Variants in EPHA6 observed in about 807,000 individuals in gnomAD.
EPHA6 encodes the protein EPH receptor A6, also known as ephrin type-A receptor 6.
A neutral mutation model predicts 112.0 loss-of-function variants in EPHA6; 50 were observed. The ratio of observed to expected loss-of-function variants is 0.45; its 90% confidence interval spans 0.36 to 0.56. The LOEUF is 0.56. Among genes scored for constraint, EPHA6 ranks in the 20% least tolerant of loss-of-function variants. The pLI is 0.00. For synonymous variants in EPHA6, 529 were observed against 490.7 expected, an observed-to-expected ratio of 1.08 and a Z score of -1.03; for missense variants, 1,280 against 1,417.4, an observed-to-expected ratio of 0.90 and a Z score of 1.56.
At chr3:97,413,036 G>A (rs2087842982) in intron 6 of EPHA6, among the ~76,000 whole-genome samples, 1 of 151,134 alleles carries the variant, frequency 6.6e-6, no homozygotes, top group African/African-American at 2.4e-5. Context: ...TGCCTTCTGG[G>A]GAGTAACAAG....
At chr3:96,818,773 G>A (rs1386530489) in intron 1 of EPHA6, among the ~76,000 whole-genome samples, 1 of 151,748 alleles carries the variant, frequency 6.6e-6, no homozygotes. Flanking sequence ...GTTAAATTAG[G>A]AACACTGGAT....
chr3:96,830,640 G>A (rs887018883), intron 1 of EPHA6, among the ~76,000 whole-genome samples: 6 of 151,938 alleles, frequency 3.9e-5, no homozygotes, highest in African/African-American at 4.8e-5. Context: ...ATATTAAAAT[G>A]TAAATATATT....
At chr3:96,866,374 GT>G (rs1209833906) in intron 1 of EPHA6, among the ~76,000 whole-genome samples, 3 of 151,826 alleles carry the variant, frequency 2.0e-5, no homozygotes, top group African/African-American at 7.3e-5. Context: ...TTCAAAATGA[GT>G]TTTTTTAATA....
chr3:97,363,211 TATATATATATATATATATATATATATAA>T (rs1559922936), intron 5 of EPHA6, among the ~76,000 whole-genome samples: 8 of 76,730 alleles, frequency 1.0e-4, no homozygotes, highest in Non-Finnish European at 1.4e-4. Flanking sequence ...TATATATATA[TATATATATATATATATATATATATATAA>T]ATCTCAGATG....
rs1170419619 is a variant in EPHA6, at chr3:97,713,858, T to G, written c.2785-6403T>G. ...CTCAACCATAAATGATATTATATGATGACAGAATTCTACCTGTGAAATATT... is the reference window on the plus strand; with the variant it reads ...CTCAACCATAAATGATATTATATGAGGACAGAATTCTACCTGTGAAATATT... On this transcript the variant is annotated intron_variant, in intron 14 of 17. Coordinates refer to ENST00000389672, the MANE Select transcript of EPHA6 (RefSeq NM_001080448.3). 6.6e-5 allele frequency among the ~76,000 whole-genome samples: 10 copies of G among 152,358 alleles called. No individual in the cohort carries two copies. In the East Asian group the frequency reaches 1.9e-3, roughly 29 times the overall value.
At chr3:97,188,296 A>G (rs1447299081) in intron 3 of EPHA6, among the ~76,000 whole-genome samples, 2 of 152,166 alleles carry the variant, frequency 1.3e-5, no homozygotes, top group Non-Finnish European at 2.9e-5. Context: ...CTGCATCTAC[A>G]TGTATCAGCA....
intron 5 of EPHA6, among the ~76,000 whole-genome samples, chr3:97,360,192 C>T (rs2084302775): frequency 6.6e-6 from 1 of 152,136 alleles, no homozygotes; most frequent in Non-Finnish European, 1.5e-5. Flanking sequence ...TGCCACAGAG[C>T]TGAGAGTGAG....
intron 3 of EPHA6, among the ~76,000 whole-genome samples, chr3:97,025,651 C>G (rs181824929): frequency 1.3e-5 from 2 of 152,114 alleles, no homozygotes; most frequent in Non-Finnish European, 2.9e-5. Flanking sequence ...TGCAGTGGCG[C>G]GATCTCCGCT....
intron 14 of EPHA6, among the ~76,000 whole-genome samples, chr3:97,711,235 A>T (rs907154098): frequency 9.2e-5 from 14 of 152,080 alleles, no homozygotes; most frequent in African/African-American, 3.4e-4. Context: ...TGTAAGACGT[A>T]ACTTGCTCCT....
intron 5 of EPHA6, among the ~76,000 whole-genome samples, chr3:97,391,511 T>G (rs1207403660): frequency 6.6e-6 from 1 of 151,936 alleles, no homozygotes; most frequent in East Asian, 1.9e-4. Flanking sequence ...AAATGAGAAG[T>G]GCTGTACCTA....
chr3:97,661,324 A>T (rs911123363), intron 14 of EPHA6, among the ~76,000 whole-genome samples: 4 of 152,156 alleles, frequency 2.6e-5, no homozygotes, highest in African/African-American at 7.2e-5. Context: ...CCCTGTGTTT[A>T]TCTTAAGAAA....
intron 3 of EPHA6, among the ~76,000 whole-genome samples, chr3:97,123,582 A>C (rs922726403): frequency 6.6e-6 from 1 of 152,146 alleles, no homozygotes; most frequent in Non-Finnish European, 1.5e-5. Flanking sequence ...AGCCATTTTC[A>C]TGAAAGCATG....
At chr3:96,953,022 T>G (rs1182146864) in intron 2 of EPHA6, among the ~76,000 whole-genome samples, 2 of 152,136 alleles carry the variant, frequency 1.3e-5, no homozygotes, top group Non-Finnish European at 2.9e-5. Context: ...AGTAAAAGTT[T>G]TTAAAAAATT....
At position 97,254,350 on chromosome 3, in the gene EPHA6, G is replaced by C. The variant is rs150980441; in HGVS notation, c.1606+10063G>C. On this transcript the variant is annotated intron_variant, in intron 5 of 17. Coordinates refer to ENST00000389672, the MANE Select transcript of EPHA6 (RefSeq NM_001080448.3). ...ACTATAGGCGCATGCCACCACGCCA[G>C]GGTAATTTTTTGTATTTTTAATAGA... Among the ~76,000 whole-genome samples, 491 of 152,132 alleles carry C rather than the reference G, an allele frequency of 3.2e-3. 1 individual carries two copies. The highest frequency in any genetic ancestry group is 0.011 in the African/African-American group (454 of 41,512).
In EPHA6 at chr3:97,320,827, AAAAAT is replaced by A. The variant is rs2082082185; in HGVS notation, c.1606+76545_1606+76549del. Among the ~76,000 whole-genome samples, 10 of 141,302 alleles carry A rather than the reference AAAAAT, an allele frequency of 7.1e-5. 1 individual carries two copies. Among genetic ancestry groups the A allele is most frequent in the African/African-American group, 2.8e-4 (9 of 32,262 alleles). 92.7% of individuals were successfully genotyped at this position (141,302 alleles called of 152,430 possible). A position where few individuals can be genotyped will look rare whatever the true frequency, so the allele number is the denominator to read the frequency against. On this transcript the variant is annotated intron_variant, in intron 5 of 17. Transcript: ENST00000389672. The stretch of plus-strand genomic sequence containing the variant: ...GTGTTCTCTGGGGGCAAAAAATAAA[AAAAAT>A]AAAAAAAAAGGGATGAATTTAATTA...
At chr3:97,647,756 A>T (rs192942594) in intron 14 of EPHA6, among the ~76,000 whole-genome samples, 7 of 152,272 alleles carry the variant, frequency 4.6e-5, no homozygotes, top group Admixed American at 2.6e-4. Context: ...TCTGAGTTTG[A>T]CACACATTCA....
chr3:97,719,113 C>T (rs1576347563), intron 14 of EPHA6, among the ~76,000 whole-genome samples: 1 of 132,754 alleles, frequency 7.5e-6, no homozygotes, highest in Non-Finnish European at 1.6e-5. Context: ...CCCCCCGCCG[C>T]GGTAAGTAGT....
intron 3 of EPHA6, among the ~76,000 whole-genome samples, chr3:97,140,049 A>T (rs1310519069): frequency 6.6e-6 from 1 of 152,160 alleles, no homozygotes; most frequent in Non-Finnish European, 1.5e-5. Flanking sequence ...AGGGAACTTC[A>T]AATTACTTTA....
intron 3 of EPHA6, among the ~76,000 whole-genome samples, chr3:97,158,394 C>A (rs2108392824): frequency 6.6e-6 from 1 of 152,244 alleles, no homozygotes; most frequent in East Asian, 1.9e-4. Flanking sequence ...CTTCTACTAC[C>A]TATTCTGTAC....
Sources: allele counts gnomAD v4.1 joint callset (sites outside exome capture counted in the v4.1 genomes callset), GRCh38; gene constraint gnomAD v4.1.1; transcripts MANE v1.5; gene names NCBI Gene and HGNC (gene_info 2026-07-23, HGNC 2026-07-21).